The following LCORL variants were observed in gnomAD, a reference collection of about 807,000 sequenced individuals.
LCORL encodes the protein ligand dependent nuclear receptor corepressor like, also known as ligand-dependent nuclear receptor corepressor-like protein.
LCORL carries 41 observed loss-of-function variants against 141.8 expected under a neutral mutation model. That is an observed-to-expected ratio of 0.29 (90% CI 0.23 to 0.38). LCORL has a LOEUF of 0.38. LCORL is among the 10% of genes least tolerant of loss of function. LCORL has a pLI of 1.00. For synonymous variants in LCORL, 618 were observed against 694.1 expected (o/e 0.89, Z 1.72); for missense variants, 1,759 against 2,035.0 (o/e 0.86, Z 2.61).
exon 8 of LCORL, chr4:17,842,356 G>C: frequency 6.2e-7 from 1 of 1,612,210 alleles, no homozygotes; most frequent in East Asian, 2.2e-5. Context: ...GGAGGTGTCA[G>C]ACTGCTGAAG....
At chr4:17,901,017 G>A (rs758441657) in intron 5 of LCORL, among the ~76,000 whole-genome samples, 4 of 151,924 alleles carry the variant, frequency 2.6e-5, no homozygotes, top group East Asian at 1.9e-4. Context: ...ATTGTGACCC[G>A]TGCTGCCTTG....
rs552446439 is a variant in LCORL, at chr4:17,897,994, G to T, written c.682+11100C>A. On this transcript the variant is annotated intron_variant, in intron 5 of 7. Transcript: ENST00000635767. The stretch of plus-strand genomic sequence containing the variant: ...ATGTGTATTTTTGAAAATAATTCAT[G>T]GTTTGCACTGCGTTTCCAATCCACA... Among the ~76,000 whole-genome samples the T allele has an allele frequency of 5.3e-5, 8 of 152,190 alleles. No homozygotes were observed. The East Asian group carries it at 1.5e-3, about 29-fold the overall frequency.
intron 1 of LCORL, among the ~76,000 whole-genome samples, chr4:17,999,347 G>A (rs1369666909): frequency 1.3e-5 from 2 of 151,832 alleles, no homozygotes; most frequent in East Asian, 1.9e-4. Context: ...CCAGCTACTC[G>A]GGAGGCTGAG....
intron 4 of LCORL, among the ~76,000 whole-genome samples, chr4:17,953,106 A>G (rs1337934332): frequency 6.6e-6 from 1 of 151,960 alleles, no homozygotes; most frequent in African/African-American, 2.4e-5. Context: ...ATAGTATCCT[A>G]TGGTATATAT....
At chr4:17,968,691 T>C (rs1438493899) in intron 2 of LCORL, among the ~76,000 whole-genome samples, 3 of 152,232 alleles carry the variant, frequency 2.0e-5, no homozygotes, top group Non-Finnish European at 4.4e-5. Flanking sequence ...TCCATCATTA[T>C]AGTATAAAAG....
chr4:17,939,597 A>G (rs1737501992), intron 4 of LCORL, among the ~76,000 whole-genome samples: 1 of 152,140 alleles, frequency 6.6e-6, no homozygotes, highest in Admixed American at 6.5e-5. Context: ...GGTACAAAGA[A>G]TAAAAAATTA....
intron 1 of LCORL, among the ~76,000 whole-genome samples, chr4:18,018,640 T>G (rs1725010616): frequency 6.6e-6 from 1 of 152,138 alleles, no homozygotes; most frequent in Non-Finnish European, 1.5e-5. Flanking sequence ...AATTAGAATA[T>G]TATATGAGTT....
intron 1 of LCORL, among the ~76,000 whole-genome samples, chr4:18,009,814 T>TG (rs1246365928): frequency 6.6e-6 from 1 of 151,388 alleles, no homozygotes; most frequent in Non-Finnish European, 1.5e-5. Context: ...AATGGAGAGG[T>TG]GCTCCTTACC....
intron 1 of LCORL, among the ~76,000 whole-genome samples, chr4:17,978,957 C>A (rs1717489670): frequency 6.6e-6 from 1 of 152,000 alleles, no homozygotes; most frequent in Admixed American, 6.6e-5. Context: ...GGTACATGTG[C>A]ACAACTTGCA....
Position 18,021,510 on chromosome 4 carries a change from T to G in LCORL, c.154+88A>C, listed in dbSNP as rs1322951323. On this transcript the variant is annotated intron_variant, in intron 1 of 7. Coordinates refer to ENST00000635767, the Ensembl canonical transcript of LCORL. This position sits in a 1 kb window ranked among gnomAD's most constrained non-coding sequence, Gnocchi z 5.5. ...CCACCGAACTAACCCGAACGGGAGA[T>G]TCAACTAAACCCCTCAGCCACAAAC... is the stretch of plus-strand genomic sequence containing the variant. 5 of 1,156,518 alleles carry G rather than the reference T, an allele frequency of 4.3e-6. No individual in the cohort carries two copies. The highest frequency in any genetic ancestry group is 5.9e-6 in the Non-Finnish European group (5 of 849,214). 71.6% of individuals were successfully genotyped at this position (1,156,518 alleles called of 1,614,324 possible). A position where few individuals can be genotyped will look rare whatever the true frequency, so the allele number is the denominator to read the frequency against.
intron 5 of LCORL, among the ~76,000 whole-genome samples, chr4:17,895,479 A>G (rs1729781899): frequency 6.6e-6 from 1 of 152,166 alleles, no homozygotes; most frequent in African/African-American, 2.4e-5. Context: ...GTTGTTGCAA[A>G]TGACAGGATT....
At chr4:17,982,033 C>T (rs1308270901) in intron 1 of LCORL, among the ~76,000 whole-genome samples, 1 of 151,134 alleles carries the variant, frequency 6.6e-6, no homozygotes, top group Non-Finnish European at 1.5e-5. Context: ...TGATGGTCTC[C>T]AGCTCCATTT....
chr4:17,985,236 A>G (rs571958437), intron 1 of LCORL, among the ~76,000 whole-genome samples: 5 of 152,144 alleles, frequency 3.3e-5, no homozygotes, highest in Admixed American at 3.3e-4. Context: ...ATGAGAAGTA[A>G]GTATACTCTG....
intron 4 of LCORL, among the ~76,000 whole-genome samples, chr4:17,910,966 T>C (rs906244808): frequency 2.6e-5 from 4 of 152,202 alleles, no homozygotes; most frequent in Non-Finnish European, 2.9e-5. Flanking sequence ...AGGGACACTA[T>C]TCGTTTTGGG....
exon 7 of LCORL, chr4:17,874,809 C>A: frequency 8.1e-7 from 1 of 1,233,548 alleles, no homozygotes. Flanking sequence ...TTTTGCATTC[C>A]GCGAAAGTCT....
At chr4:17,966,023 GGAAAGA>G (rs1714793790) in intron 2 of LCORL, among the ~76,000 whole-genome samples, 1 of 151,944 alleles carries the variant, frequency 6.6e-6, no homozygotes, top group Admixed American at 6.6e-5. Context: ...TTGGTCTGAG[GGAAAGA>G]TACTAATCCT....
chr4:17,867,273 A>AT (rs916863310), intron 7 of LCORL, among the ~76,000 whole-genome samples: 3 of 152,026 alleles, frequency 2.0e-5, no homozygotes, highest in African/African-American at 4.8e-5. Context: ...CTTATTTTTT[A>AT]TTTTTTTCAA....
chr4:17,984,505 A>G (rs541794313), intron 1 of LCORL, among the ~76,000 whole-genome samples: 49 of 152,008 alleles, frequency 3.2e-4, no homozygotes, highest in African/African-American at 1.1e-3. Context: ...ATGGGGGGGT[A>G]TATGTGGCCA....
intron 1 of LCORL, among the ~76,000 whole-genome samples, chr4:17,978,925 A>G (rs1209955781): frequency 6.6e-6 from 1 of 151,636 alleles, no homozygotes; most frequent in African/African-American, 2.4e-5. Context: ...TTTATTTTTT[A>G]TTATTATACT....
Sources: gnomAD v4.1 joint callset for allele counts (sites outside exome capture counted in the v4.1 genomes callset) on GRCh38, gnomAD v4.1.1 for gene constraint, Gnocchi (gnomAD v3.1) non-coding constraint, MANE v1.5 for transcripts, NCBI Gene and HGNC (gene_info 2026-07-23, HGNC 2026-07-21) for gene names.